Variants in PITPNM2 observed in about 807,000 individuals in gnomAD.
PITPNM2 encodes phosphatidylinositol transfer protein membrane associated 2, also known as membrane-associated phosphatidylinositol transfer protein 2.
PITPNM2 carries 35 observed loss-of-function variants against 132.2 expected under a neutral mutation model. The ratio of observed to expected loss-of-function variants is 0.26; its 90% confidence interval spans 0.20 to 0.35. The LOEUF (loss-of-function observed/expected upper bound fraction) is 0.35, where lower values mean the gene tolerates loss of function less well. Among genes scored for constraint, PITPNM2 ranks in the 10% least tolerant of loss-of-function variants. PITPNM2 has a pLI of 1.00. For synonymous variants in PITPNM2, 738 were observed against 799.2 expected (o/e 0.92, Z 1.29); for missense variants, 1,332 against 1,912.0 (o/e 0.70, Z 5.66).
chr12:123,065,089 G>A (rs896220097), intron 2 of PITPNM2, among the ~76,000 whole-genome samples: 1 of 152,252 alleles, frequency 6.6e-6, no homozygotes, highest in African/African-American at 2.4e-5. Context: ...CACAGCCGCT[G>A]GAGGCCCCTG....
chr12:123,066,922 C>A (rs1009886760), intron 2 of PITPNM2, among the ~76,000 whole-genome samples: 13 of 152,196 alleles, frequency 8.5e-5, no homozygotes, highest in African/African-American at 3.1e-4. Flanking sequence ...CCAGGCCACA[C>A]TCCCCGGCCA....
intron 3 of PITPNM2, 103 bp from the exon 4 acceptor site, chr12:123,014,145 G>A (rs2039326220): frequency 7.1e-6 from 9 of 1,273,584 alleles, no homozygotes. Context: ...GGGAGGAGGG[G>A]CTTTGGTCAA....
At position 123,085,229 on chromosome 12, in the gene PITPNM2, G is replaced by A. The variant is rs73413207; in HGVS notation, c.-96+25156C>T. 6.5e-3 allele frequency among the ~76,000 whole-genome samples: 983 copies of A among 152,288 alleles called. 14 individuals carry two copies. The highest frequency in any genetic ancestry group is 0.022 in the African/African-American group (927 of 41,562). On this transcript the variant is annotated intron_variant, in intron 2 of 25. Transcript: ENST00000320201. ...AGTAACTAAGTAGGTGTGAGCTAGCGCCATCTGCGTGACCCAGATGGGGGC... is the reference window on the plus strand; with the variant it reads ...AGTAACTAAGTAGGTGTGAGCTAGCACCATCTGCGTGACCCAGATGGGGGC...
chr12:123,034,239 G>T (rs891228312), intron 3 of PITPNM2: 11 of 460,194 alleles, frequency 2.4e-5, no homozygotes, highest in African/African-American at 1.9e-4. Context: ...CTGGGCCAGG[G>T]AGATAATGGT....
rs920057486 is a variant in PITPNM2, at chr12:123,106,027, C to T, written c.-96+4358G>A. Among the ~76,000 whole-genome samples, 1 of 152,180 alleles carries T rather than the reference C, an allele frequency of 6.6e-6. No individual in the cohort carries two copies. The highest frequency in any genetic ancestry group is 1.5e-5 in the Non-Finnish European group (1 of 68,040). ...AGTGAAACAGACCCATGCCCATCCC[C>T]CTGCAAGCATGGTATGCCTGCGCAA... is the stretch of plus-strand genomic sequence containing the variant. On this transcript the variant is annotated intron_variant, in intron 2 of 25. Transcript: ENST00000320201. The surrounding 1 kb of genome is among the most constrained non-coding windows in gnomAD (Gnocchi z 4.4).
chr12:123,051,675 A>G (rs1322598177), intron 2 of PITPNM2, among the ~76,000 whole-genome samples: 1 of 152,142 alleles, frequency 6.6e-6, no homozygotes, highest in African/African-American at 2.4e-5. Flanking sequence ...TTAGTGCTTT[A>G]TCTCTTCTTC....
intron 13 of PITPNM2, among the ~76,000 whole-genome samples, 155 bp downstream of exon 13, chr12:122,996,303 G>T (rs974239500): frequency 6.6e-6 from 1 of 152,194 alleles, no homozygotes; most frequent in African/African-American, 2.4e-5. Flanking sequence ...GCTTAACTGG[G>T]TAGAGTCCAA....
At chr12:123,062,005 A>G (rs1479243496) in intron 2 of PITPNM2, among the ~76,000 whole-genome samples, 1 of 151,882 alleles carries the variant, frequency 6.6e-6, no homozygotes, top group Non-Finnish European at 1.5e-5. Context: ...GTAAGTTCCT[A>G]GGGAGGCCCT....
At chr12:123,088,698 C>T (rs190310219) in intron 2 of PITPNM2, 4 of 152,308 alleles carry the variant, frequency 2.6e-5, no homozygotes, top group Admixed American at 2.6e-4. Flanking sequence ...TGTTAGCAAA[C>T]TTTCGAGAAG....
intron 1 of PITPNM2, among the ~76,000 whole-genome samples, chr12:123,135,749 G>A (rs1376578416): frequency 4.6e-5 from 7 of 152,126 alleles, no homozygotes; most frequent in Non-Finnish European, 2.9e-5. Context: ...CCAGGCTGGA[G>A]TGCAGTAGCT....
rs2041987473 is a variant in PITPNM2 at position 123,082,332 on chromosome 12, CTAAT to C, written c.-96+28049_-96+28052del. Among the ~76,000 whole-genome samples, 1 of 152,208 alleles carries C rather than the reference CTAAT, an allele frequency of 6.6e-6. No individual in the cohort carries two copies. Among genetic ancestry groups the C allele is most frequent in the African/African-American group, 2.4e-5 (1 of 41,450 alleles). On this transcript the variant is annotated intron_variant, in intron 2 of 25. Transcript: ENST00000320201. This position sits in a 1 kb window ranked among gnomAD's most constrained non-coding sequence, Gnocchi z 5.4. ...AACCCTGGCATTCCTCTGACCCTTT[CTAAT>C]TTTCTTCAGAGCGTTGATCGTTATC...
chr12:122,999,092 C>T (rs1370522785), intron 10 of PITPNM2, among the ~76,000 whole-genome samples: 1 of 147,320 alleles, frequency 6.8e-6, no homozygotes, highest in Non-Finnish European at 1.5e-5. Flanking sequence ...AACTGGGTCA[C>T]AGAGTGAGAC....
intron 2 of PITPNM2, among the ~76,000 whole-genome samples, chr12:123,035,369 AT>A (rs548110647): frequency 3.3e-5 from 5 of 151,350 alleles, no homozygotes; most frequent in Admixed American, 1.3e-4. Context: ...AAGCAATCAC[AT>A]TTTTTTTTAA....
chr12:123,061,289 T>C (rs1220301988), intron 2 of PITPNM2, among the ~76,000 whole-genome samples: 1 of 152,224 alleles, frequency 6.6e-6, no homozygotes, highest in Non-Finnish European at 1.5e-5. Context: ...ACAGGGCTCA[T>C]GACAAGGCAC....
chr12:123,041,670 G>A (rs550173049), intron 2 of PITPNM2, among the ~76,000 whole-genome samples: 163 of 152,286 alleles, frequency 1.1e-3, no homozygotes, highest in African/African-American at 3.7e-3. Flanking sequence ...GAGTCGTGAC[G>A]GGTTAGACAG....
At chr12:123,015,106 C>T (rs1033458519) in intron 3 of PITPNM2, among the ~76,000 whole-genome samples, 9 of 152,326 alleles carry the variant, frequency 5.9e-5, no homozygotes, top group Non-Finnish European at 8.8e-5. Context: ...GATGGCGACA[C>T]TGCCCCAAAC....
At chr12:123,033,343 G>A (rs2040158458) in intron 3 of PITPNM2, among the ~76,000 whole-genome samples, 2 of 152,210 alleles carry the variant, frequency 1.3e-5, no homozygotes, top group African/African-American at 4.8e-5. Flanking sequence ...GGAGAGCTGG[G>A]ATGGAACCTC....
intron 3 of PITPNM2, among the ~76,000 whole-genome samples, chr12:123,024,429 C>A (rs984370419): frequency 6.6e-6 from 1 of 152,124 alleles, no homozygotes; most frequent in Admixed American, 6.5e-5. Context: ...AGGTAAATAT[C>A]CAAGAAAAGG....
intron 1 of PITPNM2, among the ~76,000 whole-genome samples, chr12:123,122,076 A>G (rs1353947225): frequency 2.0e-5 from 3 of 152,142 alleles, no homozygotes; most frequent in Non-Finnish European, 4.4e-5. Flanking sequence ...CTACCTCCAG[A>G]ACTTCTTCAT....
Sources: gnomAD v4.1 joint callset for allele counts (sites outside exome capture counted in the v4.1 genomes callset) on GRCh38, gnomAD v4.1.1 for gene constraint, Gnocchi (gnomAD v3.1) non-coding constraint, MANE v1.5 for transcripts, NCBI Gene and HGNC (gene_info 2026-07-23, HGNC 2026-07-21) for gene names.